The following BCL11A variants were observed in gnomAD, a reference collection of about 807,000 sequenced individuals.
BCL11A encodes the protein B cell CLL/lymphoma 11A.
BCL11A carries 2 observed loss-of-function variants against 55.9 expected under a neutral mutation model. The observed-to-expected ratio is 0.04, with a 90% CI of 0.01 to 0.11. The LOEUF is 0.11. Ranked by LOEUF, BCL11A falls within the 10% of genes least tolerant of loss-of-function variation. The probability of loss-of-function intolerance (pLI) is 1.00; values close to 1 mark genes in which losing one functional copy is unlikely to be tolerated. For synonymous variants in BCL11A, 465 were observed against 473.4 expected (o/e 0.98, Z 0.23); for missense variants, 817 against 1,137.1 (o/e 0.72, Z 4.05).
intron 2 of BCL11A, among the ~76,000 whole-genome samples, chr2:60,473,289 C>A (rs1327350212): frequency 6.6e-6 from 1 of 151,042 alleles, no homozygotes; most frequent in African/African-American, 2.4e-5. Flanking sequence ...TAGAGCTGTC[C>A]CACGTGGAAT....
intron 2 of BCL11A, among the ~76,000 whole-genome samples, chr2:60,490,650 A>G (rs1254172978): frequency 6.6e-6 from 1 of 152,146 alleles, no homozygotes; most frequent in Admixed American, 6.5e-5. Context: ...TAGGCCTTAC[A>G]TTGCTGGTTA....
At chr2:60,467,332 AG>A (rs1676764981) in intron 3 of BCL11A, among the ~76,000 whole-genome samples, 1 of 16,532 alleles carries the variant, frequency 6.0e-5, no homozygotes, top group Non-Finnish European at 1.2e-4. Flanking sequence ...TGGTGGTGGT[AG>A]TGATGGTGGT....
chr2:60,552,552 C>G (rs1241262502), intron 1 of BCL11A, among the ~76,000 whole-genome samples: 10 of 152,194 alleles, frequency 6.6e-5, no homozygotes, highest in Admixed American at 4.6e-4. Flanking sequence ...CCTTCCCGGT[C>G]CCACGGCTCT....
intron 2 of BCL11A, chr2:60,537,880 T>C (rs1176163690): frequency 6.6e-6 from 1 of 152,268 alleles, no homozygotes; most frequent in Non-Finnish European, 1.5e-5. Context: ...CCATTCTTTA[T>C]TTTAATGGGA....
At chr2:60,520,309 T>C (rs1312763358) in intron 2 of BCL11A, among the ~76,000 whole-genome samples, 1 of 152,164 alleles carries the variant, frequency 6.6e-6, no homozygotes, top group Non-Finnish European at 1.5e-5. Context: ...TGAGGAAACA[T>C]TTCACTTTTT....
At chr2:60,469,007 G>C (rs1677047248) in intron 2 of BCL11A, among the ~76,000 whole-genome samples, 174 bp from the exon 3 acceptor site, 1 of 152,256 alleles carries the variant, frequency 6.6e-6, no homozygotes, top group South Asian at 2.1e-4. Flanking sequence ...TTATTTCCCA[G>C]AGTTTCTGTT....
At position 60,461,281 on chromosome 2, in the gene BCL11A, G is replaced by A; in HGVS notation, c.1631C>T (p.Pro544Leu). 6.2e-7 allele frequency: 1 copy of A among 1,604,680 alleles called. No homozygotes were observed. The highest frequency in any genetic ancestry group is 8.5e-7 in the Non-Finnish European group (1 of 1,179,234). The change falls in exon 4 of 4, where the codon CCC (proline) becomes CTC (leucine). Residue 544 changes from proline (P) to leucine (L), a missense_variant. Around this residue, in one of 4 missense-constraint regions of BCL11A, gnomAD observed 379 missense variants for 425.3 expected, o/e 0.89. Transcript: ENST00000642384. Reference protein sequence around the residue: ...VGVGDESRALPDVMQGMVLSS... With the variant: ...VGVGDESRALLDVMQGMVLSS... ...GAGCACCATGCCCTGCATGACGTCG[G>A]GCAGGGCGCGGCTCTCGTCGCCCAC...
rs542222101 is a variant in BCL11A at position 60,484,963 on chromosome 2, T to TAA, written c.386-16132_386-16131dup. Among the ~76,000 whole-genome samples the TAA allele has an allele frequency of 1.5e-4, 17 of 110,030 alleles. No individual in the cohort carries two copies. In the South Asian group the frequency reaches 2.2e-3, roughly 15 times the overall value. The allele number at this position is 110,030 out of a possible 152,430, so 72.2% of individuals were successfully genotyped here. A position where few individuals can be genotyped will look rare whatever the true frequency, so the allele number is the denominator to read the frequency against. On this transcript the variant is annotated intron_variant, in intron 2 of 3. Transcript: ENST00000642384. ...TCCTCTGTGGCACTTGTTTAGGACT[T>TAA]AAAAAAAAAAAAAAAAAACCAACCA...
chr2:60,516,863 A>G (rs1252910415), intron 2 of BCL11A, among the ~76,000 whole-genome samples: 1 of 152,230 alleles, frequency 6.6e-6, no homozygotes, highest in Non-Finnish European at 1.5e-5. Flanking sequence ...TATCAGACTA[A>G]TGTTTGAGTA....
At chr2:60,538,312 T>C (rs1016560433) in intron 2 of BCL11A, 5 of 152,276 alleles carry the variant, frequency 3.3e-5, no homozygotes, top group Admixed American at 6.5e-5. Flanking sequence ...AATCGTGCAC[T>C]GCGCGTTGCC....
chr2:60,535,293 T>A (rs922987743), intron 2 of BCL11A: 3 of 152,358 alleles, frequency 2.0e-5, no homozygotes, highest in South Asian at 2.1e-4. Flanking sequence ...ATTTTTTTAA[T>A]GCAAAATTGT....
At chr2:60,512,301 T>G (rs1680029346) in intron 2 of BCL11A, among the ~76,000 whole-genome samples, 1 of 152,210 alleles carries the variant, frequency 6.6e-6, no homozygotes, top group Non-Finnish European at 1.5e-5. Context: ...GAATCATTCA[T>G]TTGGGCTTGT....
At chr2:60,552,924 C>T (rs1399803020) in intron 1 of BCL11A, among the ~76,000 whole-genome samples, 1 of 151,080 alleles carries the variant, frequency 6.6e-6, no homozygotes, top group Non-Finnish European at 1.5e-5. Flanking sequence ...CATTCCTTTT[C>T]GAAAAGAGAA....
intron 1 of BCL11A, among the ~76,000 whole-genome samples, chr2:60,548,226 G>A (rs571263752): frequency 6.6e-6 from 1 of 151,748 alleles, no homozygotes; most frequent in Non-Finnish European, 1.5e-5. Flanking sequence ...TACAAGTTCT[G>A]AGGTTTACAG....
chr2:60,452,553 C>T (rs1675770164), downstream of BCL11A: 2 of 1,607,250 alleles, frequency 1.2e-6, no homozygotes, highest in Admixed American at 1.7e-5. Context: ...GTCCACCCCA[C>T]CCCTGGGGGC....
intron 1 of BCL11A, among the ~76,000 whole-genome samples, chr2:60,552,436 G>A (rs1463860336): frequency 6.6e-6 from 1 of 152,008 alleles, no homozygotes; most frequent in East Asian, 1.9e-4. Context: ...GGCGGCGGCG[G>A]CGGCGGCGCG....
At chr2:60,520,052 A>G (rs972715888) in intron 2 of BCL11A, among the ~76,000 whole-genome samples, 1 of 152,158 alleles carries the variant, frequency 6.6e-6, no homozygotes. Flanking sequence ...ATGCCTGTGT[A>G]TTTATGCACA....
Position 60,461,268 on chromosome 2 carries a change from C to G in BCL11A, c.1644G>C (p.Gln548His). 1.9e-6 allele frequency: 3 copies of G among 1,607,350 alleles called. No individual in the cohort carries two copies. The highest frequency in any genetic ancestry group is 2.2e-5 in the East Asian group (1 of 44,836). ...GCTGCATGGAGCTGAGCACCATGCC[C>G]TGCATGACGTCGGGCAGGGCGCGGC... The part of the protein sequence containing the change: ...DESRALPDVM[Q>H]GMVLSSMQHF... The change falls in exon 4 of 4, where the codon CAG becomes CAC. Residue 548 changes from glutamine to histidine, a missense_variant. By Grantham distance (24) the Gln-to-His change is conservative. Coordinates refer to ENST00000642384, the MANE Select transcript of BCL11A (RefSeq NM_022893.4).
At chr2:60,470,853 C>A (rs1021837629) in intron 2 of BCL11A, among the ~76,000 whole-genome samples, 1 of 152,180 alleles carries the variant, frequency 6.6e-6, no homozygotes, top group African/African-American at 2.4e-5. Flanking sequence ...TAGCTATCAT[C>A]AAGTCTGTCC....
Sources: allele counts gnomAD v4.1 joint callset (sites outside exome capture counted in the v4.1 genomes callset), GRCh38; gene constraint gnomAD v4.1.1; regional missense constraint gnomAD v4.1.1; transcripts MANE v1.5; gene names NCBI Gene and HGNC (gene_info 2026-07-23, HGNC 2026-07-21).